The following TMEM132D variants were observed in gnomAD, a reference collection of about 807,000 sequenced individuals.
TMEM132D encodes the protein mature OL transmembrane protein.
In TMEM132D, 21 loss-of-function variants were observed where a neutral mutation model predicts 62.3. The ratio of observed to expected loss-of-function variants is 0.34; its 90% CI spans 0.24 to 0.49. The LOEUF (loss-of-function observed/expected upper bound fraction) is 0.49, where lower values mean the gene tolerates loss of function less well. Among genes scored for constraint, TMEM132D ranks in the 20% least tolerant of loss-of-function variants. The probability of loss-of-function intolerance (pLI) is 0.99; values close to 1 mark genes in which losing one functional copy is unlikely to be tolerated. For missense variants in TMEM132D, 1,346 were observed against 1,402.8 expected (o/e 0.96, Z 0.65); for synonymous variants, 621 against 575.6 (o/e 1.08, Z -1.13).
At chr12:129,307,982 T>A (rs1201478503) in intron 4 of TMEM132D, among the ~76,000 whole-genome samples, 8 of 152,232 alleles carry the variant, frequency 5.3e-5, no homozygotes, top group African/African-American at 1.9e-4. Flanking sequence ...CTCGAACTCA[T>A]TGCATTCTGG....
At chr12:129,554,863 T>A (rs1356784344) in intron 2 of TMEM132D, among the ~76,000 whole-genome samples, 2 of 152,162 alleles carry the variant, frequency 1.3e-5, no homozygotes, top group African/African-American at 4.8e-5. Context: ...TTCTCCTTCA[T>A]CAGGCCACAA....
intron 1 of TMEM132D, among the ~76,000 whole-genome samples, chr12:129,841,502 G>A (rs1323484926): frequency 6.6e-6 from 1 of 152,172 alleles, no homozygotes; most frequent in East Asian, 1.9e-4. Context: ...CTTCTGCCAA[G>A]AGCGTGTTAA....
chr12:129,873,149 G>C (rs182763652), intron 1 of TMEM132D, among the ~76,000 whole-genome samples: 5 of 152,244 alleles, frequency 3.3e-5, no homozygotes, highest in African/African-American at 1.2e-4. Context: ...AGGGGACACC[G>C]TTTTGATTGA....
chr12:129,360,213 C>A (rs1393172800), intron 3 of TMEM132D, among the ~76,000 whole-genome samples: 1 of 152,082 alleles, frequency 6.6e-6, no homozygotes, highest in African/African-American at 2.4e-5. Flanking sequence ...ACCCCACAAC[C>A]TCCAAAGAGA....
At chr12:129,184,621 T>C (rs1878167782) in intron 5 of TMEM132D, among the ~76,000 whole-genome samples, 1 of 152,158 alleles carries the variant, frequency 6.6e-6, no homozygotes, top group African/African-American at 2.4e-5. Flanking sequence ...CAACACGAAG[T>C]TCACTGCACT....
Position 129,215,846 on chromosome 12 carries a change from G to A in TMEM132D, c.1300-6183C>T, listed in dbSNP as rs762750985. 5.3e-5 allele frequency among the ~76,000 whole-genome samples: 8 copies of A among 152,188 alleles called. No homozygotes were observed. In the South Asian group the frequency reaches 6.2e-4, roughly 12 times the overall value. On this transcript the variant is annotated intron_variant, in intron 4 of 8. Transcript: ENST00000422113. Reference sequence around the variant, plus strand: ...AGAACAAAGGCATGTCTTACATGGCGTGGGGCAAAGAGAGAAGGAGAGCCA... The same window carrying A: ...AGAACAAAGGCATGTCTTACATGGCATGGGGCAAAGAGAGAAGGAGAGCCA...
intron 1 of TMEM132D, among the ~76,000 whole-genome samples, chr12:129,890,236 C>T (rs1460171956): frequency 1.3e-5 from 2 of 152,196 alleles, no homozygotes; most frequent in Admixed American, 6.5e-5. Flanking sequence ...GTGCATCCAT[C>T]TGGAACTTGG....
At chr12:129,563,841 A>G (rs1593067483) in intron 2 of TMEM132D, among the ~76,000 whole-genome samples, 1 of 152,264 alleles carries the variant, frequency 6.6e-6, no homozygotes, top group East Asian at 1.9e-4. Context: ...TGAACAATCA[A>G]TACATTAAGA....
chr12:129,775,035 A>G (rs1237173243), intron 1 of TMEM132D, among the ~76,000 whole-genome samples: 3 of 152,324 alleles, frequency 2.0e-5, no homozygotes, highest in Middle Eastern at 3.4e-3. Context: ...CATTATTGTT[A>G]CAGACATTTA....
intron 2 of TMEM132D, among the ~76,000 whole-genome samples, chr12:129,595,421 G>C (rs887081014): frequency 2.0e-5 from 3 of 152,208 alleles, no homozygotes; most frequent in Non-Finnish European, 2.9e-5. Context: ...ATGACCACAG[G>C]GGGAGAGAAG....
chr12:129,609,440 T>G (rs543315480), intron 2 of TMEM132D, among the ~76,000 whole-genome samples: 1 of 152,082 alleles, frequency 6.6e-6, no homozygotes, highest in Non-Finnish European at 1.5e-5. Flanking sequence ...CGTGGCATGG[T>G]TGGCATCCCA....
chr12:129,349,714 T>C lies in TMEM132D; in HGVS notation c.1116-11897A>G, dbSNP rs74806137. The stretch of plus-strand genomic sequence containing the variant: ...TACTCACATGCTCCCATGTAAAGAG[T>C]TTAAATATTTATTAGTATTCATTGA... On this transcript the variant is annotated intron_variant, in intron 3 of 8. Coordinates refer to ENST00000422113, the MANE Select transcript of TMEM132D (RefSeq NM_133448.3). Among the ~76,000 whole-genome samples the C allele has an allele frequency of 9.6e-3, 1,467 of 152,086 alleles. 27 individuals are homozygous for C. The highest frequency in any genetic ancestry group is 0.034 in the African/African-American group (1,399 of 41,480).
intron 1 of TMEM132D, among the ~76,000 whole-genome samples, chr12:129,872,483 G>C (rs535641196): frequency 6.6e-6 from 1 of 152,184 alleles, no homozygotes; most frequent in Admixed American, 6.5e-5. Context: ...GTTCACAAAG[G>C]CTTTTCAACT....
chr12:129,422,368 G>C (rs1872353576), intron 3 of TMEM132D, among the ~76,000 whole-genome samples: 1 of 152,150 alleles, frequency 6.6e-6, no homozygotes, highest in African/African-American at 2.4e-5. Flanking sequence ...TAAACAACTT[G>C]ATAGAACAAA....
At chr12:129,437,339 A>G (rs1367153209) in intron 3 of TMEM132D, among the ~76,000 whole-genome samples, 4 of 152,140 alleles carry the variant, frequency 2.6e-5, no homozygotes, top group Non-Finnish European at 2.9e-5. Flanking sequence ...ACCTTCCCCC[A>G]AACAGCTCCA....
At chr12:129,412,053 A>G (rs952511132) in intron 3 of TMEM132D, among the ~76,000 whole-genome samples, 27 of 152,200 alleles carry the variant, frequency 1.8e-4, no homozygotes, top group African/African-American at 6.5e-4. Context: ...GTTACCAGTA[A>G]TCTACATTAG....
intron 2 of TMEM132D, among the ~76,000 whole-genome samples, chr12:129,607,287 C>G (rs1409674076): frequency 6.6e-6 from 1 of 152,172 alleles, no homozygotes; most frequent in Non-Finnish European, 1.5e-5. Context: ...TTCCAGTTCT[C>G]TCCCAGTGGG....
chr12:129,580,158 A>G (rs1164623576), intron 2 of TMEM132D, among the ~76,000 whole-genome samples: 3 of 152,184 alleles, frequency 2.0e-5, no homozygotes, highest in African/African-American at 7.2e-5. Flanking sequence ...CCAGTTAGTC[A>G]AGGTTGTCCC....
chr12:129,477,618 A>T (rs924731638), intron 3 of TMEM132D, among the ~76,000 whole-genome samples: 1 of 152,134 alleles, frequency 6.6e-6, no homozygotes, highest in Non-Finnish European at 1.5e-5. Flanking sequence ...CAGGAGATCG[A>T]GACCATCCTG....
Sources: gnomAD v4.1 joint callset for allele counts (sites outside exome capture counted in the v4.1 genomes callset) on GRCh38, gnomAD v4.1.1 for gene constraint, MANE v1.5 for transcripts, NCBI Gene and HGNC (gene_info 2026-07-23, HGNC 2026-07-21) for gene names.